KIF15: variants seen among roughly 807,000 people sequenced by gnomAD.
The protein encoded by KIF15 is kinesin-like protein KIF15.
Under a neutral mutation model 190.6 loss-of-function variants are expected in KIF15, and 140 were observed. The ratio of observed to expected loss-of-function variants is 0.73; its 90% CI spans 0.64 to 0.84. KIF15 has a LOEUF of 0.84. KIF15 is among the 40% of genes least tolerant of loss of function. The pLI, the probability that KIF15 is intolerant of heterozygous loss-of-function variation, is 0.00. For missense variants in KIF15, 1,372 were observed against 1,584.4 expected, an observed-to-expected ratio of 0.87 and a Z score of 2.28; for synonymous variants, 528 against 551.3, an observed-to-expected ratio of 0.96 and a Z score of 0.59.
intron 22 of KIF15, chr3:44,827,030 T>G: frequency 2.2e-6 from 1 of 456,428 alleles, no homozygotes; most frequent in Middle Eastern, 3.3e-4. Flanking sequence ...AGAGCTTACA[T>G]CCAGTTGAGA....
chr3:44,799,152 A>G, intron 10 of KIF15: 1 of 411,970 alleles, frequency 2.4e-6, no homozygotes, highest in South Asian at 1.8e-5. Flanking sequence ...AGAATTATGA[A>G]GTCACTGATG....
At chr3:44,794,084 T>C in intron 7 of KIF15, 133 bp from the exon 8 acceptor site, 1 of 674,328 alleles carries the variant, frequency 1.5e-6, no homozygotes. Flanking sequence ...TCACACTATG[T>C]AGGTCAGGCT....
At chr3:44,848,702 A>G (rs1182730163) in intron 32 of KIF15, 144 bp downstream of exon 32, 6 of 416,532 alleles carry the variant, frequency 1.4e-5, no homozygotes, top group Non-Finnish European at 2.6e-5. Context: ...TTTTTTTTAA[A>G]TACCATTTGC....
At chr3:44,850,393 C>T (rs1294612076) in intron 32 of KIF15, among the ~76,000 whole-genome samples, 2 of 152,136 alleles carry the variant, frequency 1.3e-5, no homozygotes, top group Admixed American at 6.5e-5. Context: ...TGAATTACAG[C>T]TATTTTAGAA....
At chr3:44,861,264 T>G (rs1047810566) in intron 6 of KIF15, among the ~76,000 whole-genome samples, 3 of 152,264 alleles carry the variant, frequency 2.0e-5, no homozygotes, top group Non-Finnish European at 2.9e-5. Context: ...GTGCTGGGAT[T>G]ACAGGCATGA....
At chr3:44,817,842 A>G (rs1708096246) in intron 20 of KIF15, among the ~76,000 whole-genome samples, 1 of 152,142 alleles carries the variant, frequency 6.6e-6, no homozygotes, top group Admixed American at 6.5e-5. Flanking sequence ...CAGTATGGCC[A>G]TTTTCACAAT....
In KIF15 at chr3:44,827,488, G is replaced by C. The variant is rs747160107; in HGVS notation, c.2816G>C (p.Arg939Pro). 2.5e-6 allele frequency: 4 copies of C among 1,612,224 alleles called. No individual in the cohort carries two copies. Among genetic ancestry groups the C allele is most frequent in the Non-Finnish European group, 3.4e-6 (4 of 1,178,622 alleles). The change falls in exon 23 of 35, where the codon CGT becomes CCT. Residue 939 changes from arginine (R) to proline (P), a missense_variant. Transcript: ENST00000326047. Reference protein sequence around the residue: ...KEILKVLEAVRQEKQKETAKC... With the variant: ...KEILKVLEAVPQEKQKETAKC... ...ATCTTAAAAGTTCTTGAGGCTGTAC[G>C]TCAGGAGAAACAGAAAGAGACGGCC...
intron 6 of KIF15, chr3:44,863,438 A>G (rs1200984341): frequency 6.6e-6 from 1 of 152,006 alleles, no homozygotes; most frequent in Non-Finnish European, 1.5e-5. Flanking sequence ...AAAAAGAAAG[A>G]AAATACCTGC....
chr3:44,829,649 A>ATGTATATATTATGTATATATAATATATG (rs1697938196), intron 24 of KIF15, among the ~76,000 whole-genome samples: 2 of 132,738 alleles, frequency 1.5e-5, no homozygotes, highest in African/African-American at 5.7e-5. Flanking sequence ...TATATTATAT[A>ATGTATATATTATGTATATATAATATATG]TGTATATATT....
rs760092892 is a variant in KIF15 at position 44,828,298 on chromosome 3, A to G, written c.2941A>G (p.Lys981Glu). ...CCTGGAAAAGTCTAGAGATTCTGAT[A>G]AGGTTGGTAGAGTTTGAAGCTACAT... Reference protein sequence around the residue: ...SSLEKSRDSDKKVVADLMNQI... With the variant: ...SSLEKSRDSDEKVVADLMNQI... The change falls in exon 24 of 35, where the codon AAG becomes GAG. Residue 981 changes from lysine (K) to glutamate (E), a missense_variant and splice_region_variant. Lys to Glu is a moderately conservative substitution (Grantham distance 56). Coordinates refer to ENST00000326047, the MANE Select transcript of KIF15 (RefSeq NM_020242.3). The G allele has an allele frequency of 1.2e-6, 2 of 1,604,672 alleles. No homozygotes were observed. The highest frequency in any genetic ancestry group is 1.1e-5 in the South Asian group (1 of 90,874).
At chr3:44,861,667 T>C (rs1279231428) in intron 6 of KIF15, among the ~76,000 whole-genome samples, 3 of 152,242 alleles carry the variant, frequency 2.0e-5, no homozygotes, top group Non-Finnish European at 4.4e-5. Context: ...GCGTCCACAG[T>C]ACCCGGCTTG....
rs878988074 is a variant in KIF15 at position 44,864,297 on chromosome 3, C to A, written c.*60-9032C>A. On this transcript the variant is annotated intron_variant and NMD_transcript_variant, in intron 6 of 6. Transcript: ENST00000422209. The stretch of plus-strand genomic sequence containing the variant: ...CGGGGCCTCAGTTTCTCCATGTCTT[C>A]AGCCATTGCATCTGTCACAGTGACT... The A allele has an allele frequency of 2.5e-6, 4 of 1,614,208 alleles. No individual in the cohort carries two copies. In the South Asian group the frequency reaches 4.4e-5, roughly 18 times the overall value.
intron 6 of KIF15, chr3:44,864,042 A>T: frequency 2.6e-6 from 2 of 773,878 alleles, no homozygotes; most frequent in Non-Finnish European, 4.2e-6. Flanking sequence ...GGGTTAAGTG[A>T]AGCCCTGTGC....
intron 26 of KIF15, among the ~76,000 whole-genome samples, chr3:44,831,560 T>C (rs1235170479): frequency 6.6e-6 from 1 of 152,226 alleles, no homozygotes; most frequent in Non-Finnish European, 1.5e-5. Flanking sequence ...TTCAGGGTTG[T>C]CTTTTGCATT....
chr3:44,835,578 G>A (rs1325330366), intron 26 of KIF15, among the ~76,000 whole-genome samples: 1 of 151,900 alleles, frequency 6.6e-6, no homozygotes, highest in Non-Finnish European at 1.5e-5. Flanking sequence ...TGATTTTAAG[G>A]TTCCTTTGAA....
intron 27 of KIF15, among the ~76,000 whole-genome samples, chr3:44,839,225 A>C (rs1224973572): frequency 5.9e-5 from 9 of 152,090 alleles, no homozygotes; most frequent in Admixed American, 5.2e-4. Flanking sequence ...AAAAAAAATT[A>C]GCCGGGCGTG....
At chr3:44,839,987 T>C (rs1698510644) in intron 27 of KIF15, among the ~76,000 whole-genome samples, 1 of 152,252 alleles carries the variant, frequency 6.6e-6, no homozygotes, top group African/African-American at 2.4e-5. Flanking sequence ...TCAGAGAACA[T>C]GGGAGTGCCG....
intron 26 of KIF15, 128 bp downstream of exon 26, chr3:44,831,146 C>A: frequency 9.4e-7 from 1 of 1,059,604 alleles, no homozygotes; most frequent in Non-Finnish European, 1.3e-6. Context: ...AGCTGATGTG[C>A]CTCAAGACGC....
chr3:44,805,121 G>T lies in KIF15; in HGVS notation c.1782G>T (p.Glu594Asp), dbSNP rs773877873. The T allele has an allele frequency of 6.2e-7, 1 of 1,613,516 alleles. No individual in the cohort carries two copies. The change falls in exon 15 of 35, where the codon GAG becomes GAT. Residue 594 changes from glutamate to aspartate, a missense_variant. Glu to Asp is a conservative substitution (Grantham distance 45). Transcript: ENST00000326047. ...CACAACTCCTGCAAATTCAGACAGA[G>T]CTGAATAATTCAAAGCAAGAATATG... ...LKAQLLQIQT[E>D]LNNSKQEYEE...
Sources: gnomAD v4.1 joint callset for allele counts (sites outside exome capture counted in the v4.1 genomes callset) on GRCh38, gnomAD v4.1.1 for gene constraint, MANE v1.5 for transcripts, NCBI Gene and HGNC (gene_info 2026-07-23, HGNC 2026-07-21) for gene names.